CDADC1: variants seen among roughly 807,000 people sequenced by gnomAD.
CDADC1 encodes cytidine and dCMP deaminase domain containing 1, also known as dCTP deaminase.
CDADC1 carries 39 observed loss-of-function variants against 54.9 expected under a neutral mutation model. That is an observed-to-expected ratio of 0.71 (90% CI 0.55 to 0.93). The LOEUF (loss-of-function observed/expected upper bound fraction) is 0.93, where lower values mean the gene tolerates loss of function less well. Ranked by LOEUF, CDADC1 falls within the 40% of genes least tolerant of loss-of-function variation. CDADC1 has a pLI of 0.00. For synonymous variants in CDADC1, 186 were observed against 204.0 expected, an observed-to-expected ratio of 0.91 and a Z score of 0.75; for missense variants, 518 against 618.8, an observed-to-expected ratio of 0.84 and a Z score of 1.73.
intron 4 of CDADC1, among the ~76,000 whole-genome samples, chr13:49,266,659 C>T (rs1952823262): frequency 6.6e-6 from 1 of 152,110 alleles, no homozygotes; most frequent in African/African-American, 2.4e-5. Context: ...TTAATTCAAC[C>T]ATTCCCCTAT....
chr13:49,272,632 A>T (rs1952998695), intron 5 of CDADC1, among the ~76,000 whole-genome samples: 1 of 151,892 alleles, frequency 6.6e-6, no homozygotes, highest in Non-Finnish European at 1.5e-5. Context: ...CAATAAATGG[A>T]AATTTTTGTC....
chr13:49,257,109 T>C lies in CDADC1; in HGVS notation c.252+1196T>C, dbSNP rs370022718. Among the ~76,000 whole-genome samples, 13 of 152,370 alleles carry C rather than the reference T, an allele frequency of 8.5e-5. 1 individual carries two copies. The East Asian group carries it at 1.9e-3, about 23-fold the overall frequency. ...CAAAATGGAATGCAACTTGAGCTTT[T>C]ATTTGTTTTATTGAGTTTGGGATGG... On this transcript the variant is annotated intron_variant, in intron 3 of 9. Transcript: ENST00000251108.
intron 3 of CDADC1, among the ~76,000 whole-genome samples, chr13:49,259,051 A>G (rs768507407): frequency 3.3e-5 from 5 of 152,218 alleles, no homozygotes; most frequent in Non-Finnish European, 7.4e-5. Flanking sequence ...AAATTGATCT[A>G]GTTCTTGCCC....
At chr13:49,266,473 G>T (rs1402998583) in intron 4 of CDADC1, among the ~76,000 whole-genome samples, 2 of 151,872 alleles carry the variant, frequency 1.3e-5, no homozygotes, top group Non-Finnish European at 2.9e-5. Flanking sequence ...CCTTTCCTCT[G>T]TCACACTGAT....
chr13:49,268,874 CT>C (rs1952894551), intron 5 of CDADC1, among the ~76,000 whole-genome samples: 1 of 152,202 alleles, frequency 6.6e-6, no homozygotes, highest in East Asian at 1.9e-4. Context: ...AACATTTTTA[CT>C]GTATTGTATT....
intron 3 of CDADC1, among the ~76,000 whole-genome samples, chr13:49,257,393 A>G (rs1952570044): frequency 6.6e-6 from 1 of 152,138 alleles, no homozygotes. Context: ...CCTTGCAGCC[A>G]CTTCCACTGG....
intron 9 of CDADC1, among the ~76,000 whole-genome samples, chr13:49,289,886 G>A (rs1209013184): frequency 6.6e-6 from 1 of 151,890 alleles, no homozygotes; most frequent in Admixed American, 6.6e-5. Flanking sequence ...CTCTACAAAA[G>A]ATACAAAAAA....
intron 3 of CDADC1, among the ~76,000 whole-genome samples, chr13:49,258,075 G>A (rs1952590675): frequency 6.6e-6 from 1 of 152,182 alleles, no homozygotes; most frequent in African/African-American, 2.4e-5. Context: ...TTAGGAGATG[G>A]TTGGTTAACT....
chr13:49,285,749 C>T (rs976271763), intron 8 of CDADC1, among the ~76,000 whole-genome samples: 7 of 152,054 alleles, frequency 4.6e-5, no homozygotes, highest in African/African-American at 1.7e-4. Context: ...TTCAGGATCA[C>T]TCAGTGTGGC....
chr13:49,273,350 C>A (rs530659570), intron 5 of CDADC1, among the ~76,000 whole-genome samples: 4 of 152,140 alleles, frequency 2.6e-5, no homozygotes, highest in Admixed American at 1.3e-4. Context: ...TTATTTTCTA[C>A]GTGTAAATGT....
chr13:49,274,341 G>A lies in CDADC1; in HGVS notation c.1050+1G>A, dbSNP rs780126437. On this transcript the variant is annotated splice_donor_variant, in intron 6 of 9. Coordinates refer to ENST00000251108, the MANE Select transcript of CDADC1 (RefSeq NM_030911.4). LOFTEE classifies it high-confidence loss of function. ...AGTCATTTGGGCAGAAGGGAAATCT[G>A]TAAGTATGAAAACAATTCTTTAAAT... 2 of 1,608,342 alleles carry A rather than the reference G, an allele frequency of 1.2e-6. No homozygotes were observed. Among genetic ancestry groups the A allele is most frequent in the South Asian group, 2.2e-5 (2 of 90,800 alleles).
intron 9 of CDADC1, among the ~76,000 whole-genome samples, chr13:49,287,876 G>A (rs1953567985): frequency 2.0e-5 from 3 of 151,934 alleles, no homozygotes; most frequent in South Asian, 4.2e-4. Context: ...GGAGGCTGAG[G>A]TGGAAGGATC....
chr13:49,289,186 T>C (rs1322914928), intron 9 of CDADC1, among the ~76,000 whole-genome samples: 1 of 129,440 alleles, frequency 7.7e-6, no homozygotes, highest in Non-Finnish European at 1.6e-5. Flanking sequence ...TGGAGTGCAG[T>C]GGCGTGATCC....
intron 9 of CDADC1, among the ~76,000 whole-genome samples, chr13:49,286,671 T>G (rs1467009081): frequency 6.6e-6 from 1 of 152,196 alleles, no homozygotes; most frequent in Admixed American, 6.5e-5. Context: ...ATATATACAT[T>G]CTTCTAGAGT....
In CDADC1 at chr13:49,278,574, A is replaced by C. The variant is rs942260243; in HGVS notation, c.1220+55A>C. 5.0e-6 allele frequency: 6 copies of C among 1,195,932 alleles called. No individual in the cohort carries two copies. The African/African-American group carries it at 9.2e-5, about 18-fold the overall frequency. 74.1% of individuals were successfully genotyped at this position (1,195,932 alleles called of 1,614,324 possible). On this transcript the variant is annotated intron_variant, in intron 7 of 9. Transcript: ENST00000251108. ...TTAAAATGTAGCAAGGGTTGGTTGA[A>C]ATTAATTTTCTTATAATTGTAATTT...
intron 5 of CDADC1, among the ~76,000 whole-genome samples, chr13:49,272,501 G>C (rs1000008698): frequency 6.6e-6 from 1 of 152,080 alleles, no homozygotes; most frequent in African/African-American, 2.4e-5. Context: ...ATAAAGTACT[G>C]TTTGTTTCCT....
intron 6 of CDADC1, among the ~76,000 whole-genome samples, chr13:49,277,084 T>C (rs1953162967): frequency 6.6e-6 from 1 of 152,164 alleles, no homozygotes; most frequent in Non-Finnish European, 1.5e-5. Context: ...AATTAATCAC[T>C]CTTGTCCTCA....
At chr13:49,290,371 A>G (rs1953668615) in intron 9 of CDADC1, among the ~76,000 whole-genome samples, 1 of 151,884 alleles carries the variant, frequency 6.6e-6, no homozygotes, top group African/African-American at 2.4e-5. Flanking sequence ...TAGAACTCCC[A>G]TCTGTATTAT....
At chr13:49,289,339 G>T (rs1393977857) in intron 9 of CDADC1, among the ~76,000 whole-genome samples, 1 of 151,944 alleles carries the variant, frequency 6.6e-6, no homozygotes, top group Non-Finnish European at 1.5e-5. Flanking sequence ...CGTTGGCTAG[G>T]CTAGTCTCAA....
Sources: allele counts gnomAD v4.1 joint callset (sites outside exome capture counted in the v4.1 genomes callset), GRCh38; gene constraint gnomAD v4.1.1; transcripts MANE v1.5; gene names NCBI Gene and HGNC (gene_info 2026-07-23, HGNC 2026-07-21).